The following NGEF variants were observed in gnomAD, a reference collection of about 807,000 sequenced individuals.
The protein encoded by NGEF is ephexin-1.
Under a neutral mutation model 80.9 loss-of-function variants are expected in NGEF, and 31 were observed. The ratio of observed to expected loss-of-function variants is 0.38; its 90% CI spans 0.29 to 0.52. The LOEUF is 0.52. NGEF is among the 20% of genes least tolerant of loss of function. NGEF has a pLI of 0.84. For synonymous variants in NGEF, 371 were observed against 370.2 expected, an observed-to-expected ratio of 1.00 and a Z score of -0.03; for missense variants, 709 against 926.2, an observed-to-expected ratio of 0.77 and a Z score of 3.04.
chr2:232,982,461 C>G (rs1275368610), intron 1 of NGEF, among the ~76,000 whole-genome samples: 1 of 152,188 alleles, frequency 6.6e-6, no homozygotes. Context: ...ACATTCCTTC[C>G]TGGTCCTTGA....
At chr2:232,909,806 A>G (rs536304149) in intron 5 of NGEF, among the ~76,000 whole-genome samples, 5 of 152,198 alleles carry the variant, frequency 3.3e-5, no homozygotes, top group Non-Finnish European at 4.4e-5. Context: ...CTCTTTGCCA[A>G]TGAGATCTGT....
At chr2:233,000,711 GATCGCGCCA>G (rs1472884800) in intron 1 of NGEF, among the ~76,000 whole-genome samples, 3 of 150,178 alleles carry the variant, frequency 2.0e-5, no homozygotes, top group Non-Finnish European at 4.4e-5. Context: ...AGTGAGCCGA[GATCGCGCCA>G]CTGCACTCCA....
At chr2:233,000,244 C>T (rs1356144861) in intron 1 of NGEF, among the ~76,000 whole-genome samples, 1 of 152,214 alleles carries the variant, frequency 6.6e-6, no homozygotes, top group Non-Finnish European at 1.5e-5. Context: ...TATAGGCATA[C>T]ACTGCCATGC....
chr2:232,966,858 G>C (rs527508618), intron 3 of NGEF, among the ~76,000 whole-genome samples: 47 of 151,840 alleles, frequency 3.1e-4, no homozygotes, highest in African/African-American at 8.5e-4. Context: ...AGTGAGGGTG[G>C]GGGGGGAGGC....
In NGEF at chr2:232,892,736, T is replaced by C. The variant is rs1691922168; in HGVS notation, c.1142+162A>G. 1.3e-5 allele frequency among the ~76,000 whole-genome samples: 2 copies of C among 152,192 alleles called. No homozygotes were observed. The highest frequency in any genetic ancestry group is 6.5e-5 in the Admixed American group (1 of 15,286). On this transcript the variant is annotated intron_variant, in intron 7 of 14. Coordinates refer to ENST00000264051, the MANE Select transcript of NGEF (RefSeq NM_019850.3). The surrounding 1 kb of genome is among the most constrained non-coding windows in gnomAD (Gnocchi z 4.0). ...CCTAGAACGTGCTGGGTTGGGACAC[T>C]GTCACCAGTATCCCTGGCCAACTCC...
chr2:232,974,578 G>A (rs761083654), intron 2 of NGEF, 45 bp downstream of exon 2: 9 of 1,594,746 alleles, frequency 5.6e-6, no homozygotes, highest in Admixed American at 3.5e-5. Context: ...GATGACTCCA[G>A]TTGGATGTAA....
rs1691998789 is a variant in NGEF, at chr2:232,894,651, G to A, written c.989+105C>T. The A allele has an allele frequency of 3.7e-6, 4 of 1,084,642 alleles. No homozygotes were observed. In the South Asian group the frequency reaches 1.0e-4, roughly 28 times the overall value. 67.2% of individuals were successfully genotyped at this position (1,084,642 alleles called of 1,614,324 possible). Reference sequence around the variant, plus strand: ...TTATTATGGAACATTCCAAACATCTGGAAGTAGAGAAGCCAGTATCGAGCA... The same window carrying A: ...TTATTATGGAACATTCCAAACATCTAGAAGTAGAGAAGCCAGTATCGAGCA... On this transcript the variant is annotated intron_variant, in intron 6 of 14. Coordinates refer to ENST00000264051, the MANE Select transcript of NGEF (RefSeq NM_019850.3).
At chr2:233,012,708 A>G (rs1695238842) in intron 1 of NGEF, 3 of 383,212 alleles carry the variant, frequency 7.8e-6, no homozygotes. Context: ...GTCCTTTTGA[A>G]AGCCTTACTA....
intron 1 of NGEF, among the ~76,000 whole-genome samples, chr2:232,996,897 A>G (rs1351273300): frequency 1.3e-5 from 2 of 152,194 alleles, no homozygotes; most frequent in East Asian, 1.9e-4. Flanking sequence ...TACAGACTCA[A>G]CCCAGATGCA....
chr2:232,934,228 C>T (rs1277539972), intron 3 of NGEF, among the ~76,000 whole-genome samples: 4 of 120,702 alleles, frequency 3.3e-5, no homozygotes, highest in Admixed American at 3.2e-4. Flanking sequence ...GGTGACAGAG[C>T]GAGACTGCAT....
intron 3 of NGEF, among the ~76,000 whole-genome samples, chr2:232,948,446 A>C (rs1693607430): frequency 6.6e-6 from 1 of 152,150 alleles, no homozygotes; most frequent in African/African-American, 2.4e-5. Flanking sequence ...TATTCTTAAA[A>C]GCTGTATGCT....
intron 1 of NGEF, among the ~76,000 whole-genome samples, chr2:233,001,772 T>A (rs373043843): frequency 3.3e-5 from 5 of 151,816 alleles, no homozygotes. Context: ...CCAGCTACTT[T>A]GGGAGGCCGA....
Position 232,891,429 on chromosome 2 carries a change from T to C in NGEF, c.1201A>G (p.Arg401Gly). The part of the protein sequence containing the change: ...IAQLELDPKC[R>G]GLPFSSFLIL... Reference sequence around the variant, plus strand: ...AGGAAGGAGGAGAAGGGCAGCCCCCTGCACTTGGGGTCGAGCTCTAGCTGC... The same window carrying C: ...AGGAAGGAGGAGAAGGGCAGCCCCCCGCACTTGGGGTCGAGCTCTAGCTGC... The change falls in exon 8 of 15, where the codon AGG becomes GGG. Residue 401 changes from arginine to glycine, a missense_variant. Physicochemically the swap from Arg to Gly is moderately radical, Grantham distance 125. Coordinates refer to ENST00000264051, the MANE Select transcript of NGEF (RefSeq NM_019850.3). The C allele has an allele frequency of 6.2e-7, 1 of 1,613,454 alleles. No homozygotes were observed.
chr2:232,886,860 G>A (rs1691711278), intron 9 of NGEF, among the ~76,000 whole-genome samples: 1 of 152,240 alleles, frequency 6.6e-6, no homozygotes, highest in Admixed American at 6.5e-5. Context: ...GCTTCCAGAG[G>A]TGGGCATGGG....
At chr2:232,919,649 T>C (rs986728170) in intron 5 of NGEF, among the ~76,000 whole-genome samples, 12 of 152,226 alleles carry the variant, frequency 7.9e-5, no homozygotes, top group African/African-American at 2.9e-4. Flanking sequence ...TGGTTTTAAC[T>C]GATTATTTCT....
chr2:232,926,528 C>T (rs976914465), intron 4 of NGEF, among the ~76,000 whole-genome samples: 1 of 152,162 alleles, frequency 6.6e-6, no homozygotes, highest in Non-Finnish European at 1.5e-5. Flanking sequence ...GCTCTTGCTT[C>T]CTCCCTACTT....
intron 3 of NGEF, among the ~76,000 whole-genome samples, chr2:232,952,079 C>T (rs183025051): frequency 1.2e-4 from 18 of 152,328 alleles, no homozygotes; most frequent in Admixed American, 9.8e-4. Context: ...GTAAAGCCTT[C>T]AAGCCGTCTT....
chr2:232,879,376 C>T lies in NGEF; in HGVS notation c.*113G>A. On this transcript the variant is annotated 3_prime_UTR_variant, in exon 15 of 15. Coordinates refer to ENST00000264051, the MANE Select transcript of NGEF (RefSeq NM_019850.3). ...AGGGATGAGGGCCGGGCACCCCAAG[C>T]CAGATCCTGCCACCTGGGGAGGTGC... 8.8e-7 allele frequency: 1 copy of T among 1,134,376 alleles called. No individual in the cohort carries two copies. Among genetic ancestry groups the T allele is most frequent in the Non-Finnish European group, 1.3e-6 (1 of 795,282 alleles). 70.3% of individuals were successfully genotyped at this position (1,134,376 alleles called of 1,614,324 possible).
rs547324971 is a variant in NGEF at position 232,952,255 on chromosome 2, AT to A, written c.383+17958del. Among the ~76,000 whole-genome samples, 357 of 152,352 alleles carry A rather than the reference AT, an allele frequency of 2.3e-3. 2 individuals carry two copies. Among genetic ancestry groups the A allele is most frequent in the African/African-American group, 8.2e-3 (341 of 41,584 alleles). On this transcript the variant is annotated intron_variant, in intron 3 of 14. Coordinates refer to ENST00000264051, the MANE Select transcript of NGEF (RefSeq NM_019850.3). ...ATTCCAAGGACAATACTTAAGAATCATTTTGATGCAAGAATTGTAGAGGAAA... is the reference window on the plus strand; with the variant it reads ...ATTCCAAGGACAATACTTAAGAATCATTTGATGCAAGAATTGTAGAGGAAA...
Sources: allele counts gnomAD v4.1 joint callset (sites outside exome capture counted in the v4.1 genomes callset), GRCh38; gene constraint gnomAD v4.1.1; non-coding constraint Gnocchi (gnomAD v3.1); transcripts MANE v1.5; gene names NCBI Gene and HGNC (gene_info 2026-07-23, HGNC 2026-07-21).